The following NRG1 variants were observed in gnomAD, a reference collection of about 807,000 sequenced individuals.
NRG1 encodes neuregulin 1.
In NRG1, 18 loss-of-function variants were observed where a neutral mutation model predicts 63.8. The observed-to-expected ratio is 0.28, with a 90% CI of 0.19 to 0.42. The LOEUF (loss-of-function observed/expected upper bound fraction) is 0.42. Ranked by LOEUF, NRG1 falls within the 10% of genes least tolerant of loss-of-function variation. The pLI is 1.00. For missense variants in NRG1, 762 were observed against 814.7 expected (o/e 0.94, Z 0.79); for synonymous variants, 302 against 301.3 (o/e 1.00, Z -0.02).
At chr8:32,679,353 G>A (rs1188269790) in intron 5 of NRG1, among the ~76,000 whole-genome samples, 1 of 152,092 alleles carries the variant, frequency 6.6e-6, no homozygotes, top group African/African-American at 2.4e-5. Flanking sequence ...TTTCTAAATA[G>A]TAGTTTTAAT....
intron 1 of NRG1, among the ~76,000 whole-genome samples, chr8:31,780,177 A>T (rs1819543868): frequency 1.3e-5 from 2 of 152,214 alleles, no homozygotes; most frequent in African/African-American, 4.8e-5. Flanking sequence ...GATGACCTGT[A>T]CTTGGGCTTA....
chr8:31,991,240 G>T (rs1811013161), intron 1 of NRG1, among the ~76,000 whole-genome samples: 1 of 151,990 alleles, frequency 6.6e-6, no homozygotes, highest in Non-Finnish European at 1.5e-5. Context: ...CACGGTGATT[G>T]TTTCTCATAG....
intron 1 of NRG1, among the ~76,000 whole-genome samples, chr8:31,809,369 CACGTATATAT>C (rs912706243): frequency 7.1e-6 from 1 of 139,990 alleles, no homozygotes; most frequent in Non-Finnish European, 1.5e-5. Context: ...CATATATATA[CACGTATATAT>C]ACGTGTATAT....
intron 1 of NRG1, among the ~76,000 whole-genome samples, chr8:31,652,918 T>TCCTC (rs1158984476): frequency 7.5e-6 from 1 of 132,552 alleles, no homozygotes; most frequent in African/African-American, 2.8e-5. Context: ...CTCCCTCCCT[T>TCCTC]CCTCCCTCCC....
downstream of NRG1, among the ~76,000 whole-genome samples, chr8:32,772,951 C>CTTTTCAT (rs1831903238): frequency 1.3e-5 from 2 of 152,110 alleles, no homozygotes; most frequent in African/African-American, 2.4e-5. Flanking sequence ...TCTCCCTTTA[C>CTTTTCAT]TTTTTATTTT....
At chr8:32,677,690 A>G (rs567382523) in intron 5 of NRG1, among the ~76,000 whole-genome samples, 1 of 152,164 alleles carries the variant, frequency 6.6e-6, no homozygotes, top group South Asian at 2.1e-4. Flanking sequence ...AATCATTTAT[A>G]TTTTCTGGAA....
rs534723618 is a variant in NRG1 at position 31,696,459 on chromosome 8, GA to G, written c.37+57035del. 4.1e-3 allele frequency among the ~76,000 whole-genome samples: 625 copies of G among 152,234 alleles called. 2 individuals carry two copies. The highest frequency in any genetic ancestry group is 0.026 in the South Asian group (127 of 4,818). ...GATCCTGGCTTTACTAACTAGGAGG[GA>G]AAAAAACTTTACCCGGTGATGACAA... On this transcript the variant is annotated intron_variant, in intron 1 of 10. Coordinates refer to the NRG1 transcript ENST00000519301.
intron 1 of NRG1, among the ~76,000 whole-genome samples, chr8:31,826,892 T>C (rs1824621641): frequency 6.6e-6 from 1 of 152,204 alleles, no homozygotes; most frequent in African/African-American, 2.4e-5. Context: ...TTTTGTTTTG[T>C]TTTTGTTTTA....
chr8:32,634,654 T>G (rs1205663621), intron 5 of NRG1, among the ~76,000 whole-genome samples: 1 of 152,234 alleles, frequency 6.6e-6, no homozygotes, highest in African/African-American at 2.4e-5. Context: ...TCATCATCAC[T>G]TTTTGTTTTC....
chr8:32,600,410 G>C (rs1349752000), intron 2 of NRG1, among the ~76,000 whole-genome samples: 5 of 151,906 alleles, frequency 3.3e-5, no homozygotes, highest in African/African-American at 1.2e-4. Context: ...ATAAACAGAA[G>C]AGTTCTTCCC....
At chr8:32,698,466 G>A (rs948402169) in intron 5 of NRG1, among the ~76,000 whole-genome samples, 2 of 152,222 alleles carry the variant, frequency 1.3e-5, no homozygotes, top group African/African-American at 4.8e-5. Flanking sequence ...ATTTCAGCGA[G>A]GGCGTTTTAA....
At chr8:32,648,715 G>A (rs1273831276) in intron 5 of NRG1, among the ~76,000 whole-genome samples, 2 of 152,032 alleles carry the variant, frequency 1.3e-5, no homozygotes, top group Non-Finnish European at 2.9e-5. Context: ...AAAACATCAC[G>A]CCATCTCTTA....
chr8:31,855,800 C>G (rs917738380), intron 1 of NRG1, among the ~76,000 whole-genome samples: 5 of 152,088 alleles, frequency 3.3e-5, no homozygotes, highest in African/African-American at 1.2e-4. Context: ...TCTTTTAGGG[C>G]AGGCCTGGTG....
intron 1 of NRG1, among the ~76,000 whole-genome samples, chr8:32,137,034 C>T (rs1485120768): frequency 6.6e-6 from 1 of 151,916 alleles, no homozygotes; most frequent in African/African-American, 2.4e-5. Context: ...CTGGTTTATT[C>T]GATTGTGAAT....
At chr8:32,460,773 C>T (rs758850793) in intron 1 of NRG1, among the ~76,000 whole-genome samples, 9 of 152,080 alleles carry the variant, frequency 5.9e-5, no homozygotes, top group African/African-American at 1.9e-4. Flanking sequence ...CTTCTTCATC[C>T]GAATACAAAA....
rs116951108 is a variant in NRG1 at position 31,746,812 on chromosome 8, A to C, written c.37+107381A>C. On this transcript the variant is annotated intron_variant, in intron 1 of 10. Coordinates refer to the NRG1 transcript ENST00000519301. ...AAAATGTGGTGCTTATATACAATTG[A>C]GTACTCTTTAGCCATAACACAGAAG... Among the ~76,000 whole-genome samples, 1,132 of 152,130 alleles carry C rather than the reference A, an allele frequency of 7.4e-3. 46 individuals are homozygous for C. In the South Asian group the frequency reaches 0.12, roughly 16 times the overall value.
At chr8:32,007,480 C>T (rs1813963905) in intron 1 of NRG1, among the ~76,000 whole-genome samples, 1 of 151,944 alleles carries the variant, frequency 6.6e-6, no homozygotes, top group Non-Finnish European at 1.5e-5. Flanking sequence ...CATAAAATAC[C>T]ATAGCAAGGT....
At chr8:32,262,298 C>T (rs1450487242) in intron 1 of NRG1, among the ~76,000 whole-genome samples, 1 of 152,146 alleles carries the variant, frequency 6.6e-6, no homozygotes, top group African/African-American at 2.4e-5. Flanking sequence ...GAATTTCCAA[C>T]ACAACCTCCA....
At chr8:31,892,764 C>T (rs1831253518) in intron 1 of NRG1, among the ~76,000 whole-genome samples, 1 of 152,022 alleles carries the variant, frequency 6.6e-6, no homozygotes, top group Non-Finnish European at 1.5e-5. Flanking sequence ...TGCAGTTTAT[C>T]ATCACCTCCC....
Sources: allele counts gnomAD v4.1 joint callset (sites outside exome capture counted in the v4.1 genomes callset), GRCh38; gene constraint gnomAD v4.1.1; transcripts MANE v1.5; gene names NCBI Gene and HGNC (gene_info 2026-07-23, HGNC 2026-07-21).